Variants in DPP6 observed in about 807,000 individuals in gnomAD.
DPP6 encodes the protein dipeptidyl peptidase like 6, also known as A-type potassium channel modulatory protein DPP6.
A neutral mutation model predicts 122.6 loss-of-function variants in DPP6; 69 were observed. The observed-to-expected ratio is 0.56, with a 90% CI of 0.46 to 0.69. The LOEUF (loss-of-function observed/expected upper bound fraction) is 0.69, where lower values mean the gene tolerates loss of function less well. Ranked by LOEUF, DPP6 falls within the 30% of genes least tolerant of loss-of-function variation. DPP6 has a pLI of 0.00. For missense variants in DPP6, 928 were observed against 1,116.9 expected (o/e 0.83, Z 2.41); for synonymous variants, 418 against 433.1 (o/e 0.97, Z 0.43).
intron 1 of DPP6, among the ~76,000 whole-genome samples, chr7:154,348,053 A>G (rs1810546243): frequency 6.6e-6 from 1 of 152,166 alleles, no homozygotes; most frequent in African/African-American, 2.4e-5. Flanking sequence ...AGTACAGCCA[A>G]AGGCAGAGGA....
chr7:154,311,726 G>A (rs751092409), intron 1 of DPP6, among the ~76,000 whole-genome samples: 2 of 152,072 alleles, frequency 1.3e-5, no homozygotes, highest in Non-Finnish European at 2.9e-5. Flanking sequence ...ATTTGTTGTT[G>A]ACCTTTCAGG....
chr7:154,484,545 C>T (rs991896045), intron 3 of DPP6, among the ~76,000 whole-genome samples: 1 of 152,210 alleles, frequency 6.6e-6, no homozygotes, highest in East Asian at 1.9e-4. Context: ...AAGCTGCTCG[C>T]TGGGCCTGAT....
intron 23 of DPP6, 22 bp downstream of exon 23, chr7:154,887,756 G>A (rs751739820): frequency 5.0e-6 from 8 of 1,613,206 alleles, no homozygotes; most frequent in Admixed American, 3.3e-5. Context: ...CACAACTAGA[G>A]AATGTGATGA....
chr7:153,899,430 G>A (rs188207534), intron 1 of DPP6, among the ~76,000 whole-genome samples: 1 of 152,270 alleles, frequency 6.6e-6, no homozygotes, highest in African/African-American at 2.4e-5. Flanking sequence ...GCTGACAGAG[G>A]AATGCAATGG....
At chr7:154,128,603 A>G (rs1164687315) in intron 1 of DPP6, among the ~76,000 whole-genome samples, 1 of 151,806 alleles carries the variant, frequency 6.6e-6, no homozygotes, top group African/African-American at 2.4e-5. Context: ...GGGTTTCACC[A>G]TGGTCTGGAT....
intron 1 of DPP6, among the ~76,000 whole-genome samples, chr7:153,981,889 G>T (rs988100623): frequency 6.6e-6 from 1 of 151,672 alleles, no homozygotes; most frequent in Non-Finnish European, 1.5e-5. Context: ...CTTCTGGCTT[G>T]TAGGGTTTCT....
At chr7:154,648,924 A>G (rs1836687141) in intron 6 of DPP6, among the ~76,000 whole-genome samples, 1 of 149,936 alleles carries the variant, frequency 6.7e-6, no homozygotes, top group Admixed American at 6.6e-5. Context: ...TCTTAAAAAA[A>G]AAAAAAAAAA....
At chr7:154,441,840 A>T (rs1819404489) in intron 1 of DPP6, among the ~76,000 whole-genome samples, 1 of 152,192 alleles carries the variant, frequency 6.6e-6, no homozygotes, top group Non-Finnish European at 1.5e-5. Context: ...TGTAATCACA[A>T]GTTACTAAGA....
At chr7:153,884,902 C>A (rs550192399), upstream of DPP6, among the ~76,000 whole-genome samples, 813 of 150,670 alleles carry the variant, frequency 5.4e-3, 7 homozygotes, top group African/African-American at 0.019. Flanking sequence ...ATCACTTGAA[C>A]CTGGGAGGCG....
intron 5 of DPP6, among the ~76,000 whole-genome samples, chr7:154,597,802 A>C (rs1003027539): frequency 6.6e-6 from 1 of 152,052 alleles, no homozygotes; most frequent in Non-Finnish European, 1.5e-5. Context: ...TCCTTCCTGC[A>C]TCTGGTGGTT....
chr7:154,125,087 G>A (rs570844861), intron 1 of DPP6, among the ~76,000 whole-genome samples: 10 of 152,324 alleles, frequency 6.6e-5, no homozygotes, highest in East Asian at 3.9e-4. Flanking sequence ...GGTATGCAGC[G>A]TGGAGGTCTT....
chr7:153,781,622 G>A, the DPP6 span, among the ~76,000 whole-genome samples: 1 of 152,098 alleles, frequency 6.6e-6, no homozygotes, highest in East Asian at 1.9e-4. Flanking sequence ...AGGTAGATTG[G>A]CTCCCCCTTA....
intron 5 of DPP6, among the ~76,000 whole-genome samples, chr7:154,589,360 G>A (rs1013788438): frequency 3.3e-5 from 5 of 152,184 alleles, no homozygotes; most frequent in African/African-American, 1.2e-4. Context: ...ACTTTGTCCT[G>A]GTGACACAGA....
At chr7:154,348,789 A>T (rs1810605859) in intron 1 of DPP6, among the ~76,000 whole-genome samples, 1 of 152,326 alleles carries the variant, frequency 6.6e-6, no homozygotes, top group African/African-American at 2.4e-5. Flanking sequence ...TCACAGTTTC[A>T]GGAAGGGTTA....
intron 1 of DPP6, among the ~76,000 whole-genome samples, chr7:154,168,734 C>T (rs1473948188): frequency 6.6e-6 from 1 of 152,180 alleles, no homozygotes; most frequent in Non-Finnish European, 1.5e-5. Context: ...TTTAGAGCGA[C>T]TTGTCAAAGG....
intron 1 of DPP6, among the ~76,000 whole-genome samples, chr7:154,392,581 G>A (rs771310020): frequency 1.3e-5 from 2 of 152,160 alleles, no homozygotes; most frequent in Non-Finnish European, 2.9e-5. Context: ...ATTTGACTTA[G>A]GGTAGATGTT....
intron 7 of DPP6, among the ~76,000 whole-genome samples, chr7:154,687,171 T>C (rs965206208): frequency 1.7e-4 from 26 of 152,152 alleles, no homozygotes; most frequent in African/African-American, 6.3e-4. Flanking sequence ...GTGTACATAC[T>C]GTCTGGTAAC....
intron 1 of DPP6, among the ~76,000 whole-genome samples, chr7:153,944,383 C>G (rs1033061244): frequency 6.6e-6 from 1 of 152,154 alleles, no homozygotes; most frequent in African/African-American, 2.4e-5. Context: ...GCAGCAGGGC[C>G]CTGCCGGGTC....
At chr7:154,152,304 T>C (rs1796465360) in intron 1 of DPP6, among the ~76,000 whole-genome samples, 1 of 151,994 alleles carries the variant, frequency 6.6e-6, no homozygotes, top group South Asian at 2.1e-4. Flanking sequence ...GGTACAGGGA[T>C]GGGGTGCGAC....
Sources: allele counts gnomAD v4.1 joint callset (sites outside exome capture counted in the v4.1 genomes callset), GRCh38; gene constraint gnomAD v4.1.1; transcripts MANE v1.5; gene names NCBI Gene and HGNC (gene_info 2026-07-23, HGNC 2026-07-21).